Variants in ZDHHC18 observed in about 807,000 individuals in gnomAD.
ZDHHC18 encodes zDHHC palmitoyltransferase 18, also known as palmitoyltransferase ZDHHC18.
In ZDHHC18, 23 loss-of-function variants were observed where a neutral mutation model predicts 37.5. The observed-to-expected ratio is 0.61, with a 90% CI of 0.44 to 0.87. ZDHHC18 has a LOEUF of 0.87. Ranked by LOEUF, ZDHHC18 falls within the 40% of genes least tolerant of loss-of-function variation. The probability of loss-of-function intolerance (pLI) is 0.00; values close to 1 mark genes in which losing one functional copy is unlikely to be tolerated. For missense variants in ZDHHC18, 406 were observed against 525.6 expected (o/e 0.77, Z 2.22); for synonymous variants, 185 against 218.7 (o/e 0.85, Z 1.36).
At chr1:26,833,772 C>T (rs904520172) in intron 2 of ZDHHC18, among the ~76,000 whole-genome samples, 1 of 152,066 alleles carries the variant, frequency 6.6e-6, no homozygotes, top group Non-Finnish European at 1.5e-5. Context: ...GGTGTTCACA[C>T]AGGCTTTTAA....
chr1:26,828,760 G>C (rs569052347), intron 1 of ZDHHC18, among the ~76,000 whole-genome samples: 1 of 151,686 alleles, frequency 6.6e-6, no homozygotes, highest in Non-Finnish European at 1.5e-5. Flanking sequence ...AGAAGCTCTG[G>C]GGGGCCCAGA....
At chr1:26,845,850 C>T (rs1481723606) in intron 2 of ZDHHC18, among the ~76,000 whole-genome samples, 1 of 152,088 alleles carries the variant, frequency 6.6e-6, no homozygotes, top group African/African-American at 2.4e-5. Flanking sequence ...CAGCCCCAAA[C>T]TCCTGAGCTC....
chr1:26,849,499 G>A (rs2081690569), intron 3 of ZDHHC18, among the ~76,000 whole-genome samples: 1 of 152,260 alleles, frequency 6.6e-6, no homozygotes, highest in South Asian at 2.1e-4. Flanking sequence ...GGCATGCAGT[G>A]AAGGGGGTGA....
At chr1:26,844,573 C>T (rs901020327) in intron 2 of ZDHHC18, among the ~76,000 whole-genome samples, 1 of 152,102 alleles carries the variant, frequency 6.6e-6, no homozygotes, top group Non-Finnish European at 1.5e-5. Flanking sequence ...TGGGTAGATG[C>T]CTGGGAGCAG....
Position 26,854,098 on chromosome 1 carries a change from T to C in ZDHHC18, c.*255T>C. 1 of 472,304 alleles carries C rather than the reference T, an allele frequency of 2.1e-6. No individual in the cohort carries two copies. Among genetic ancestry groups the C allele is most frequent in the Non-Finnish European group, 3.9e-6 (1 of 258,964 alleles). 29.3% of individuals were successfully genotyped at this position (472,304 alleles called of 1,614,324 possible). A position where few individuals can be genotyped will look rare whatever the true frequency, so the allele number is the denominator to read the frequency against. The stretch of plus-strand genomic sequence containing the variant: ...AGGAGAGACCAGAGCCTCTGGAGGC[T>C]ACCCAGGGGACCACACCAAGTCCTT... On this transcript the variant is annotated 3_prime_UTR_variant, in exon 8 of 8. Transcript: ENST00000374142. The surrounding 1 kb of genome is among the most constrained non-coding windows in gnomAD (Gnocchi z 4.6).
At chr1:26,851,066 C>A in intron 5 of ZDHHC18, 63 bp from the exon 6 acceptor site, 2 of 1,466,506 alleles carry the variant, frequency 1.4e-6, no homozygotes, top group East Asian at 2.3e-5. Flanking sequence ...ATAGGTGAGA[C>A]AGGCCAGGTG....
intron 2 of ZDHHC18, among the ~76,000 whole-genome samples, chr1:26,835,351 T>C (rs537777274): frequency 6.6e-6 from 1 of 152,198 alleles, no homozygotes; most frequent in African/African-American, 2.4e-5. Context: ...ATTCTCAAAC[T>C]TGAATAGAAG....
intron 6 of ZDHHC18, 111 bp downstream of exon 6, chr1:26,851,342 T>A: frequency 9.6e-7 from 1 of 1,036,628 alleles, no homozygotes; most frequent in Non-Finnish European, 1.5e-6. Context: ...ACTGCTGGGA[T>A]AATGCCTTTT....
At chr1:26,836,000 G>A (rs941582765) in intron 2 of ZDHHC18, among the ~76,000 whole-genome samples, 3 of 152,178 alleles carry the variant, frequency 2.0e-5, no homozygotes, top group Admixed American at 6.5e-5. Context: ...TCCTGTCTTA[G>A]GAAACCACTC....
chr1:26,846,235 G>GAGAGATATATAGATATATATCTCT lies in ZDHHC18; in HGVS notation c.497-2368_497-2367insTATATAGATATATATCTCTAGAGA, dbSNP rs1557644341. ...ATATACATATATATGTGTATATAGA[G>GAGAGATATATAGATATATATCTCT]AGAGAGATATATAGATATATATCTC... is the stretch of plus-strand genomic sequence containing the variant. On this transcript the variant is annotated intron_variant, in intron 2 of 7. Transcript: ENST00000374142. 1.4e-3 allele frequency among the ~76,000 whole-genome samples: 15 copies of GAGAGATATATAGATATATATCTCT among 10,956 alleles called. 1 individual carries two copies. Among genetic ancestry groups the GAGAGATATATAGATATATATCTCT allele is most frequent in the African/African-American group, 6.0e-3 (15 of 2,514 alleles). The allele number at this position is 10,956 out of a possible 152,430, so 7.2% of individuals were successfully genotyped here.
chr1:26,833,022 A>C (rs2081595086), intron 2 of ZDHHC18, among the ~76,000 whole-genome samples: 1 of 152,248 alleles, frequency 6.6e-6, no homozygotes, highest in Non-Finnish European at 1.5e-5. Flanking sequence ...ATGAGACCTC[A>C]GTCTAGAGCA....
chr1:26,835,208 ATAGT>A (rs1286054053), intron 2 of ZDHHC18, among the ~76,000 whole-genome samples: 1 of 152,200 alleles, frequency 6.6e-6, no homozygotes, highest in Non-Finnish European at 1.5e-5. Flanking sequence ...AGCACTTCAG[ATAGT>A]TAGGGATATT....
rs1350130897 is a variant in ZDHHC18, at chr1:26,837,444, TTAATA to T, written c.496+4840_496+4844del. On this transcript the variant is annotated intron_variant, in intron 2 of 7. Coordinates refer to ENST00000374142, the MANE Select transcript of ZDHHC18 (RefSeq NM_032283.3). ...AATATGTATAATATATTTAACATAT[TTAATA>T]TATTATGTATATTATTTATTTATTT... Among the ~76,000 whole-genome samples, 618 of 147,662 alleles carry T rather than the reference TTAATA, an allele frequency of 4.2e-3. 5 individuals carry two copies. Among genetic ancestry groups the T allele is most frequent in the African/African-American group, 0.014 (584 of 40,724 alleles).
At chr1:26,843,141 T>C (rs570566410) in intron 2 of ZDHHC18, among the ~76,000 whole-genome samples, 9 of 151,972 alleles carry the variant, frequency 5.9e-5, no homozygotes, top group East Asian at 1.9e-4. Context: ...TTCTTTCTTT[T>C]TTTTTTTTTT....
intron 2 of ZDHHC18, among the ~76,000 whole-genome samples, chr1:26,846,740 CAT>C (rs1056522987): frequency 2.6e-5 from 4 of 152,044 alleles, no homozygotes; most frequent in Admixed American, 1.3e-4. Flanking sequence ...ATCTTATTTG[CAT>C]ATATATGTTT....
chr1:26,836,997 C>T lies in ZDHHC18; in HGVS notation c.496+4390C>T, dbSNP rs527556461. Among the ~76,000 whole-genome samples the T allele has an allele frequency of 5.0e-3, 742 of 146,942 alleles. 3 individuals are homozygous for T. Among genetic ancestry groups the T allele is most frequent in the Middle Eastern group, 0.018 (5 of 278 alleles). ...GGCGCAGTGGCTCATGCCTGTAATC[C>T]CAGCACATTGGGAGGCCGAAGCAGG... is the stretch of plus-strand genomic sequence containing the variant. On this transcript the variant is annotated intron_variant, in intron 2 of 7. Transcript: ENST00000374142.
chr1:26,830,770 TTTGTTGTTGTTG>T (rs67399497), intron 1 of ZDHHC18, among the ~76,000 whole-genome samples: 148 of 150,556 alleles, frequency 9.8e-4, no homozygotes, highest in African/African-American at 3.5e-3. Context: ...TTTATGTTTG[TTTGTTGTTGTTG>T]TTGTTGTTGT....
rs185968643 is a variant in ZDHHC18 at position 26,842,516 on chromosome 1, G to T, written c.497-6092G>T. 4.2e-4 allele frequency among the ~76,000 whole-genome samples: 64 copies of T among 152,322 alleles called. No individual in the cohort carries two copies. The East Asian group carries it at 9.3e-3, about 22-fold the overall frequency. ...ACTAGATTCATTAGCTATTCTACCT[G>T]TTATTCCTGTTTTACACATGAGAAA... On this transcript the variant is annotated intron_variant, in intron 2 of 7. Transcript: ENST00000374142.
Position 26,826,716 on chromosome 1 carries a change from G to GCCGCCGCTGCCA in ZDHHC18, c.-86_-75dup. On this transcript the variant is annotated 5_prime_UTR_variant, in exon 1 of 8. Coordinates refer to ENST00000374142, the MANE Select transcript of ZDHHC18 (RefSeq NM_032283.3). This position sits in a 1 kb window ranked among gnomAD's most constrained non-coding sequence, Gnocchi z 5.2. The stretch of plus-strand genomic sequence containing the variant: ...GAGTGAGCGAGCGAGCGCCGCGCGC[G>GCCGCCGCTGCCA]CCGCCGCTGCCACCTCCGCTGCTCG... The GCCGCCGCTGCCA allele has an allele frequency of 1.7e-6, 1 of 594,676 alleles. No individual in the cohort carries two copies. Among genetic ancestry groups the GCCGCCGCTGCCA allele is most frequent in the East Asian group, 1.4e-4 (1 of 6,980 alleles). The allele number at this position is 594,676 out of a possible 1,614,324, so 36.8% of individuals were successfully genotyped here. A position where few individuals can be genotyped will look rare whatever the true frequency, so the allele number is the denominator to read the frequency against.
Sources: gnomAD v4.1 joint callset for allele counts (sites outside exome capture counted in the v4.1 genomes callset) on GRCh38, gnomAD v4.1.1 for gene constraint, Gnocchi (gnomAD v3.1) non-coding constraint, MANE v1.5 for transcripts, NCBI Gene and HGNC (gene_info 2026-07-23, HGNC 2026-07-21) for gene names.